HERPUD2: variants seen among roughly 807,000 people sequenced by gnomAD.
HERPUD2 encodes the protein HERPUD family member 2.
In HERPUD2, 13 loss-of-function variants were observed where a neutral mutation model predicts 49.9. The ratio of observed to expected loss-of-function variants is 0.26; its 90% CI spans 0.17 to 0.41. The LOEUF (loss-of-function observed/expected upper bound fraction) is 0.41, where lower values mean the gene tolerates loss of function less well. Ranked by LOEUF, HERPUD2 falls within the 10% of genes least tolerant of loss-of-function variation. The probability of loss-of-function intolerance (pLI) is 1.00; values close to 1 mark genes in which losing one functional copy is unlikely to be tolerated. For synonymous variants in HERPUD2, 172 were observed against 171.4 expected (o/e 1.00, Z -0.03); for missense variants, 449 against 492.2 (o/e 0.91, Z 0.83).
chr7:35,667,192 G>A (rs1014637960), intron 5 of HERPUD2, among the ~76,000 whole-genome samples: 4 of 152,142 alleles, frequency 2.6e-5, no homozygotes, highest in African/African-American at 9.7e-5. Flanking sequence ...GCTCAACAAG[G>A]TCTCCCGGTG....
intron 5 of HERPUD2, among the ~76,000 whole-genome samples, chr7:35,661,103 C>T (rs1785409442): frequency 6.6e-6 from 1 of 152,150 alleles, no homozygotes; most frequent in Non-Finnish European, 1.5e-5. Context: ...ATATGGTTAG[C>T]CAGTTTCCCC....
At chr7:35,691,215 T>A (rs1475777775) in intron 2 of HERPUD2, among the ~76,000 whole-genome samples, 1 of 152,172 alleles carries the variant, frequency 6.6e-6, no homozygotes, top group Non-Finnish European at 1.5e-5. Flanking sequence ...CTAAGTTTGC[T>A]AGGGGAGGGA....
intron 5 of HERPUD2, among the ~76,000 whole-genome samples, chr7:35,659,486 C>T (rs150758351): frequency 1.3e-5 from 2 of 152,298 alleles, no homozygotes; most frequent in African/African-American, 4.8e-5. Context: ...TAAGTAATTG[C>T]TAATATATCA....
chr7:35,689,237 T>A (rs1786131054), intron 2 of HERPUD2, among the ~76,000 whole-genome samples: 1 of 152,216 alleles, frequency 6.6e-6, no homozygotes, highest in African/African-American at 2.4e-5. Flanking sequence ...TAGTGAGCAG[T>A]CATTCAAAAC....
At chr7:35,689,954 C>T (rs1786143404) in intron 2 of HERPUD2, among the ~76,000 whole-genome samples, 2 of 152,092 alleles carry the variant, frequency 1.3e-5, no homozygotes, top group South Asian at 4.1e-4. Flanking sequence ...AGAAAGGTAC[C>T]TAAGTGGACT....
At chr7:35,638,599 A>T in intron 5 of HERPUD2, 127 bp from the exon 6 acceptor site, 1 of 966,046 alleles carries the variant, frequency 1.0e-6, no homozygotes, top group Non-Finnish European at 1.5e-6. Flanking sequence ...AAAGAAAAAT[A>T]CTTACTTTCA....
rs1784853363 is a variant in HERPUD2 at position 35,635,314 on chromosome 7, A to T, written c.762T>A (p.Asn254Lys). 1.2e-6 allele frequency: 2 copies of T among 1,613,972 alleles called. No individual in the cohort carries two copies. Among genetic ancestry groups the T allele is most frequent in the Non-Finnish European group, 1.7e-6 (2 of 1,180,022 alleles). ...NLVAQENRPM[N>K]ENVQMNAQGG... ...CCTGTGCATTCATTTGAACATTCTC[A>T]TTCATGGGTCGATTTTCTTGGGCCA... Residue 254 changes from asparagine (N) to lysine (K), a missense_variant, in exon 7 of 9, where the codon AAT (asparagine) becomes AAA (lysine). Asn to Lys is a moderately conservative substitution (Grantham distance 94). Transcript: ENST00000311350.
At chr7:35,693,603 G>T (rs554119488) in intron 2 of HERPUD2, among the ~76,000 whole-genome samples, 110 of 151,484 alleles carry the variant, frequency 7.3e-4, no homozygotes, top group Non-Finnish European at 8.8e-4. Flanking sequence ...ATATTAGGTT[G>T]ATGACTTTAA....
intron 5 of HERPUD2, among the ~76,000 whole-genome samples, chr7:35,643,471 G>C (rs1186236025): frequency 1.3e-5 from 2 of 152,162 alleles, no homozygotes; most frequent in African/African-American, 4.8e-5. Context: ...AAGGAATGAA[G>C]ATCTCTCTCT....
At position 35,635,424 on chromosome 7, in the gene HERPUD2, C is replaced by T; in HGVS notation, c.652G>A (p.Val218Ile). The T allele has an allele frequency of 1.2e-6, 2 of 1,613,996 alleles. No homozygotes were observed. The highest frequency in any genetic ancestry group is 1.7e-6 in the Non-Finnish European group (2 of 1,179,992). ...AAVSAQATSN[V>I]NPTQPTTSQP... Reference sequence around the variant, plus strand: ...GAAGTAGTAGGCTGGGTTGGGTTGACATTTGATGTGGCCTGAGCTGAAACT... The same window carrying T: ...GAAGTAGTAGGCTGGGTTGGGTTGATATTTGATGTGGCCTGAGCTGAAACT... The change falls in exon 7 of 9, where the codon GTC becomes ATC. Residue 218 changes from valine (V) to isoleucine (I), a missense_variant. Transcript: ENST00000311350.
intron 5 of HERPUD2, among the ~76,000 whole-genome samples, chr7:35,660,047 G>T (rs1289994133): frequency 1.3e-5 from 2 of 151,888 alleles, no homozygotes; most frequent in East Asian, 3.9e-4. Flanking sequence ...CCCACAACAG[G>T]CCCCAGTGTG....
chr7:35,661,665 GCTCT>G (rs1242085498), intron 5 of HERPUD2, among the ~76,000 whole-genome samples: 10 of 152,048 alleles, frequency 6.6e-5, no homozygotes, highest in African/African-American at 1.7e-4. Flanking sequence ...TCATGATTTG[GCTCT>G]CTGTCTGTCT....
intron 5 of HERPUD2, among the ~76,000 whole-genome samples, chr7:35,653,903 G>A (rs1428361873): frequency 1.3e-5 from 2 of 152,148 alleles, no homozygotes; most frequent in African/African-American, 4.8e-5. Context: ...AGGAGGCTGA[G>A]GCAGAAGGAC....
intron 5 of HERPUD2, among the ~76,000 whole-genome samples, chr7:35,659,944 A>T (rs1183381359): frequency 6.6e-6 from 1 of 151,296 alleles, no homozygotes. Flanking sequence ...CAGGTTACAT[A>T]TGTATACATG....
chr7:35,636,850 C>T (rs1243913921), intron 6 of HERPUD2, among the ~76,000 whole-genome samples: 1 of 152,038 alleles, frequency 6.6e-6, no homozygotes, highest in Non-Finnish European at 1.5e-5. Flanking sequence ...CCTGGCAAAC[C>T]GGGCATGGTG....
At chr7:35,677,984 TAAC>T (rs960533567) in intron 2 of HERPUD2, among the ~76,000 whole-genome samples, 2 of 152,178 alleles carry the variant, frequency 1.3e-5, no homozygotes, top group Non-Finnish European at 2.9e-5. Context: ...TTAATTTTCA[TAAC>T]AACGGAAATG....
chr7:35,635,713 G>C (rs1204538599), intron 6 of HERPUD2, among the ~76,000 whole-genome samples: 2 of 152,080 alleles, frequency 1.3e-5, no homozygotes, highest in Non-Finnish European at 2.9e-5. Flanking sequence ...AAAGACGTGA[G>C]AGCAGCCATG....
At position 35,694,598 on chromosome 7, in the gene HERPUD2, C is replaced by T; in HGVS notation, c.-268G>A. 1 of 491,206 alleles carries T rather than the reference C, an allele frequency of 2.0e-6. No homozygotes were observed. Among genetic ancestry groups the T allele is most frequent in the South Asian group, 2.5e-5 (1 of 40,446 alleles). 30.4% of individuals were successfully genotyped at this position (491,206 alleles called of 1,614,324 possible). A position where few individuals can be genotyped will look rare whatever the true frequency, so the allele number is the denominator to read the frequency against. On this transcript the variant is annotated 5_prime_UTR_variant, in exon 2 of 9. Transcript: ENST00000311350. The stretch of plus-strand genomic sequence containing the variant: ...GGTCCGGGCTCCGCCGGGCTCCGGA[C>T]TGTGGAGGCCGTCGTGAGGAGAAAG...
chr7:35,638,155 T>C (rs1461771312), intron 6 of HERPUD2, among the ~76,000 whole-genome samples, 195 bp downstream of exon 6: 1 of 152,232 alleles, frequency 6.6e-6, no homozygotes, highest in Non-Finnish European at 1.5e-5. Context: ...TACTGCTAAA[T>C]GTAATTAGGG....
Sources: allele counts gnomAD v4.1 joint callset (sites outside exome capture counted in the v4.1 genomes callset), GRCh38; gene constraint gnomAD v4.1.1; transcripts MANE v1.5; gene names NCBI Gene and HGNC (gene_info 2026-07-23, HGNC 2026-07-21).